Variants in ADCK1 observed in about 807,000 individuals in gnomAD.
ADCK1 encodes aarF domain-containing protein kinase 1.
A neutral mutation model predicts 52.3 loss-of-function variants in ADCK1; 41 were observed. The ratio of observed to expected loss-of-function variants is 0.78; its 90% confidence interval spans 0.61 to 1.02. ADCK1 has a LOEUF of 1.02. Among genes scored for constraint, ADCK1 ranks in the 50% least tolerant of loss-of-function variants. The pLI, the probability that ADCK1 is intolerant of heterozygous loss-of-function variation, is 0.00. For missense variants in ADCK1, 658 were observed against 679.5 expected (o/e 0.97, Z 0.35); for synonymous variants, 250 against 274.6 (o/e 0.91, Z 0.89).
At chr14:77,829,056 A>T (rs2081783529) in intron 3 of ADCK1, among the ~76,000 whole-genome samples, 2 of 151,218 alleles carry the variant, frequency 1.3e-5, no homozygotes, top group Admixed American at 1.3e-4. Context: ...TTGTACTGAA[A>T]GATACTTCAG....
intron 4 of ADCK1, among the ~76,000 whole-genome samples, chr14:77,881,244 GACGGCTC>G: frequency 6.6e-6 from 1 of 152,364 alleles, no homozygotes; most frequent in Non-Finnish European, 1.5e-5. Context: ...TTGTTTCCAA[GACGGCTC>G]ACTGTTGTCA....
chr14:77,835,911 T>G (rs1452713685), intron 3 of ADCK1, among the ~76,000 whole-genome samples: 1 of 152,196 alleles, frequency 6.6e-6, no homozygotes, highest in Non-Finnish European at 1.5e-5. Context: ...GCTGGGATTG[T>G]AAGCATGAGC....
intron 4 of ADCK1, among the ~76,000 whole-genome samples, chr14:77,867,046 G>A (rs1467858605): frequency 2.6e-5 from 4 of 152,184 alleles, no homozygotes; most frequent in East Asian, 1.9e-4. Flanking sequence ...CTCTGTGCCA[G>A]GTACTACACC....
At position 77,822,426 on chromosome 14, in the gene ADCK1, G is replaced by T; in HGVS notation, c.136-9G>T. 1 of 1,611,708 alleles carries T rather than the reference G, an allele frequency of 6.2e-7. No homozygotes were observed. Among genetic ancestry groups the T allele is most frequent in the Middle Eastern group, 1.7e-4 (1 of 6,058 alleles). On this transcript the variant is annotated splice_polypyrimidine_tract_variant and intron_variant, in intron 2 of 10. Transcript: ENST00000238561. Reference sequence around the variant, plus strand: ...GTGCTAAGCTTTTCTCCACTGCCTTGGTTCACAGACGGCTGTCATCAGTTA... The same window carrying T: ...GTGCTAAGCTTTTCTCCACTGCCTTTGTTCACAGACGGCTGTCATCAGTTA...
intron 6 of ADCK1, among the ~76,000 whole-genome samples, chr14:77,905,835 A>G (rs2083654157): frequency 6.6e-6 from 1 of 152,170 alleles, no homozygotes; most frequent in Non-Finnish European, 1.5e-5. Context: ...ACAAAGCAAC[A>G]ATAGCAAACA....
Position 77,836,867 on chromosome 14 carries a change from G to A in ADCK1, c.219+14349G>A, listed in dbSNP as rs544832949. The stretch of plus-strand genomic sequence containing the variant: ...TGGCTCACTGCAACCTCTGACCCCC[G>A]GGTTTAAGCGATTCCCCTGCCTCAG... On this transcript the variant is annotated intron_variant, in intron 3 of 10. Coordinates refer to ENST00000238561, the MANE Select transcript of ADCK1 (RefSeq NM_020421.4). Among the ~76,000 whole-genome samples, 450 of 145,844 alleles carry A rather than the reference G, an allele frequency of 3.1e-3. 3 individuals are homozygous for A. The highest frequency in any genetic ancestry group is 0.011 in the African/African-American group (435 of 39,162).
intron 1 of ADCK1, among the ~76,000 whole-genome samples, chr14:77,801,154 C>T (rs2081101093): frequency 6.6e-6 from 1 of 152,190 alleles, no homozygotes; most frequent in East Asian, 1.9e-4. Flanking sequence ...ACCTGGAGAG[C>T]TAGTAACAAC....
intron 4 of ADCK1, among the ~76,000 whole-genome samples, chr14:77,862,444 G>T (rs1209473050): frequency 6.6e-6 from 1 of 152,180 alleles, no homozygotes; most frequent in African/African-American, 2.4e-5. Flanking sequence ...TCTCTTTGTG[G>T]GGGGATCCCT....
At chr14:77,854,894 G>A (rs73309309) in intron 3 of ADCK1, among the ~76,000 whole-genome samples, 2,260 of 152,214 alleles carry the variant, frequency 0.015, 56 homozygotes, top group African/African-American at 0.051. Context: ...CAAATTCAGA[G>A]CCCTACCTCA....
At chr14:77,921,596 C>G (rs1595092021) in intron 7 of ADCK1, among the ~76,000 whole-genome samples, 1 of 152,058 alleles carries the variant, frequency 6.6e-6, no homozygotes, top group African/African-American at 2.4e-5. Context: ...GCAGGGACTC[C>G]CCCTCCTGTC....
chr14:77,882,761 G>A (rs889182734), intron 4 of ADCK1, among the ~76,000 whole-genome samples: 2 of 152,164 alleles, frequency 1.3e-5, no homozygotes, highest in African/African-American at 4.8e-5. Context: ...TGGCAGTTTG[G>A]AAACATTGTC....
At chr14:77,925,378 G>A (rs540845621) in intron 8 of ADCK1, among the ~76,000 whole-genome samples, 1 of 152,218 alleles carries the variant, frequency 6.6e-6, no homozygotes. Context: ...TGGCGGCAGG[G>A]TGAGGGCTTG....
intron 4 of ADCK1, among the ~76,000 whole-genome samples, chr14:77,870,545 G>A (rs930304262): frequency 6.6e-6 from 1 of 152,196 alleles, no homozygotes; most frequent in Non-Finnish European, 1.5e-5. Flanking sequence ...GCCCTGCGAG[G>A]AGGCTCTTTC....
Position 77,924,737 on chromosome 14 carries a change from C to T in ADCK1, c.1008+131C>T, listed in dbSNP as rs1046583783. ...AAGGACCCTTCCCTCTCCCTTGGAG[C>T]TGTCATTTTGTGCAAGTCACTGTCA... On this transcript the variant is annotated intron_variant, in intron 8 of 10. Transcript: ENST00000238561. 5.3e-5 allele frequency: 69 copies of T among 1,291,250 alleles called. 1 individual carries two copies. In the South Asian group the frequency reaches 8.9e-4, roughly 17 times the overall value. The allele number at this position is 1,291,250 out of a possible 1,614,324, so 80.0% of individuals were successfully genotyped here.
At chr14:77,907,428 G>T (rs774675358) in intron 6 of ADCK1, among the ~76,000 whole-genome samples, 2 of 152,260 alleles carry the variant, frequency 1.3e-5, no homozygotes. Flanking sequence ...GGAGGAGTCC[G>T]AAGTAGGCCT....
intron 3 of ADCK1, among the ~76,000 whole-genome samples, chr14:77,827,366 A>T (rs935382777): frequency 8.6e-5 from 13 of 151,296 alleles, no homozygotes; most frequent in Non-Finnish European, 1.6e-4. Flanking sequence ...AAAAAAAAAA[A>T]AAAAAGAAAT....
chr14:77,928,585 C>A (rs991456536), intron 9 of ADCK1, among the ~76,000 whole-genome samples: 16 of 151,906 alleles, frequency 1.1e-4, no homozygotes, highest in Non-Finnish European at 2.9e-5. Context: ...CCTCAGCCTT[C>A]TGAGTAGCTG....
At chr14:77,817,347 A>G (rs576776985) in intron 1 of ADCK1, among the ~76,000 whole-genome samples, 12 of 152,336 alleles carry the variant, frequency 7.9e-5, no homozygotes, top group Middle Eastern at 3.4e-3. Flanking sequence ...ATTCCAGAGC[A>G]GAGGGATGAG....
chr14:77,846,667 G>C lies in ADCK1; in HGVS notation c.220-12409G>C, dbSNP rs181462939. On this transcript the variant is annotated intron_variant, in intron 3 of 10. Coordinates refer to ENST00000238561, the MANE Select transcript of ADCK1 (RefSeq NM_020421.4). ...CCCAGCTGATCCCTGCTGAGAAAGG[G>C]CAGAGTGGGGGCTGGTGGGAAGGAG... 5.0e-3 allele frequency among the ~76,000 whole-genome samples: 758 copies of C among 152,314 alleles called. 3 individuals are homozygous for C. The highest frequency in any genetic ancestry group is 0.017 in the African/African-American group (716 of 41,582).
Sources: allele counts gnomAD v4.1 joint callset (sites outside exome capture counted in the v4.1 genomes callset), GRCh38; gene constraint gnomAD v4.1.1; transcripts MANE v1.5; gene names NCBI Gene and HGNC (gene_info 2026-07-23, HGNC 2026-07-21).